The following AUTS2 variants were observed in gnomAD, a reference collection of about 807,000 sequenced individuals.
AUTS2 encodes the protein activator of transcription and developmental regulator AUTS2, also known as autism susceptibility gene 2 protein.
AUTS2 carries 17 observed loss-of-function variants against 112.4 expected under a neutral mutation model. That is an observed-to-expected ratio of 0.15 (90% CI 0.10 to 0.23). AUTS2 has a LOEUF of 0.23. Ranked by LOEUF, AUTS2 falls within the 10% of genes least tolerant of loss-of-function variation. The pLI is 1.00. For missense variants in AUTS2, 1,510 were observed against 1,701.6 expected (o/e 0.89, Z 1.98); for synonymous variants, 751 against 702.7 (o/e 1.07, Z -1.09).
At chr7:70,516,132 G>A (rs528329520) in intron 5 of AUTS2, among the ~76,000 whole-genome samples, 1 of 152,260 alleles carries the variant, frequency 6.6e-6, no homozygotes, top group East Asian at 1.9e-4. Context: ...ACTGATTCTT[G>A]TAGCAGAACA....
At chr7:70,387,781 T>C (rs75501049) in intron 4 of AUTS2, among the ~76,000 whole-genome samples, 11,359 of 152,272 alleles carry the variant, frequency 0.075, 608 homozygotes, top group Non-Finnish European at 0.12. Context: ...TACTTCTCAA[T>C]GTCATTGCCC....
At chr7:70,365,719 G>C (rs1259275786) in intron 4 of AUTS2, among the ~76,000 whole-genome samples, 1 of 152,220 alleles carries the variant, frequency 6.6e-6, no homozygotes, top group Non-Finnish European at 1.5e-5. Flanking sequence ...CTTCAGATAA[G>C]ATCAATTTTA....
intron 6 of AUTS2, among the ~76,000 whole-genome samples, chr7:70,721,144 C>T (rs1786634784): frequency 6.6e-6 from 1 of 151,968 alleles, no homozygotes. Flanking sequence ...TTCTGCTCTA[C>T]TGGGCTCCTG....
At chr7:70,589,365 C>A (rs1413914564) in intron 5 of AUTS2, among the ~76,000 whole-genome samples, 2 of 151,514 alleles carry the variant, frequency 1.3e-5, no homozygotes, top group Admixed American at 1.3e-4. Context: ...AACAGGGAAT[C>A]AAAAATGACC....
intron 5 of AUTS2, among the ~76,000 whole-genome samples, chr7:70,520,348 G>T (rs1462689789): frequency 6.6e-6 from 1 of 152,184 alleles, no homozygotes; most frequent in Admixed American, 6.5e-5. Context: ...TCTGGCACCT[G>T]TGCCTGGTCT....
At chr7:70,737,765 G>T (rs1321237798) in intron 6 of AUTS2, among the ~76,000 whole-genome samples, 1 of 152,168 alleles carries the variant, frequency 6.6e-6, no homozygotes, top group Non-Finnish European at 1.5e-5. Context: ...GAGGAGCCAG[G>T]GGGGTGAAGA....
At chr7:69,673,723 A>C (rs552687127) in intron 1 of AUTS2, among the ~76,000 whole-genome samples, 2 of 152,354 alleles carry the variant, frequency 1.3e-5, no homozygotes, top group Non-Finnish European at 2.9e-5. Flanking sequence ...TAACTTTGCC[A>C]ACTAATAGTA....
intron 2 of AUTS2, among the ~76,000 whole-genome samples, chr7:70,105,539 T>G (rs924163809): frequency 6.6e-6 from 1 of 152,184 alleles, no homozygotes; most frequent in Non-Finnish European, 1.5e-5. Context: ...ATTACAGGCA[T>G]AAGCACATAC....
At chr7:69,775,444 T>A (rs1450618177) in intron 1 of AUTS2, among the ~76,000 whole-genome samples, 1 of 152,160 alleles carries the variant, frequency 6.6e-6, no homozygotes, top group African/African-American at 2.4e-5. Flanking sequence ...AGGCTGCATT[T>A]TTAAATCTTG....
chr7:69,844,964 C>T (rs1051405779), intron 1 of AUTS2, among the ~76,000 whole-genome samples: 3 of 152,086 alleles, frequency 2.0e-5, no homozygotes, highest in Admixed American at 2.0e-4. Context: ...TGGAGATGGA[C>T]ATAAATAAGA....
Position 70,121,755 on chromosome 7 carries a change from G to A in AUTS2, c.624+3522G>A, listed in dbSNP as rs558817709. ...GGGAATGTAAAATGACGCAGCCACT[G>A]TAGAAAACAGCTTGGCAGTCCTCAA... On this transcript the variant is annotated intron_variant, in intron 3 of 18. Transcript: ENST00000342771. Among the ~76,000 whole-genome samples, 13 of 152,260 alleles carry A rather than the reference G, an allele frequency of 8.5e-5. No individual in the cohort carries two copies. In the South Asian group the frequency reaches 2.3e-3, roughly 27 times the overall value.
At chr7:70,121,720 C>T (rs1344397510) in intron 3 of AUTS2, among the ~76,000 whole-genome samples, 1 of 152,128 alleles carries the variant, frequency 6.6e-6, no homozygotes, top group Non-Finnish European at 1.5e-5. Context: ...AATATTCATA[C>T]ATTACTGGTG....
At chr7:70,737,695 A>G (rs1222747850) in intron 6 of AUTS2, among the ~76,000 whole-genome samples, 1 of 152,126 alleles carries the variant, frequency 6.6e-6, no homozygotes, top group African/African-American at 2.4e-5. Context: ...CTCTGTCATT[A>G]CTTTCTTTAT....
chr7:69,930,577 T>G (rs993712135), intron 2 of AUTS2, among the ~76,000 whole-genome samples: 1 of 152,212 alleles, frequency 6.6e-6, no homozygotes, highest in South Asian at 2.1e-4. Flanking sequence ...TTTCTGAGTA[T>G]TTTTTGTTGT....
At chr7:70,287,931 A>G (rs1306507860) in intron 4 of AUTS2, among the ~76,000 whole-genome samples, 3 of 152,058 alleles carry the variant, frequency 2.0e-5, no homozygotes, top group African/African-American at 7.2e-5. Context: ...AGATATTCCC[A>G]GTGGTGTTTT....
intron 2 of AUTS2, among the ~76,000 whole-genome samples, chr7:69,981,702 A>G (rs534155973): frequency 1.1e-3 from 162 of 152,324 alleles, no homozygotes; most frequent in African/African-American, 3.4e-3. Flanking sequence ...TAGATTTGTA[A>G]ATAAATTGTA....
At chr7:70,781,856 C>G (rs1278236397) in intron 15 of AUTS2, 100 bp downstream of exon 15, 1 of 1,471,624 alleles carries the variant, frequency 6.8e-7, no homozygotes, top group Non-Finnish European at 9.1e-7. Flanking sequence ...CAGTCACCAC[C>G]TACAAAAATA....
chr7:69,770,097 A>G (rs527967025), intron 1 of AUTS2, among the ~76,000 whole-genome samples: 3 of 152,294 alleles, frequency 2.0e-5, no homozygotes, highest in South Asian at 2.1e-4. Context: ...GTAGGCCCTC[A>G]TTGGGGCTAC....
At chr7:70,724,442 A>AATTTTTTTTTT (rs1563153741) in intron 6 of AUTS2, among the ~76,000 whole-genome samples, 2 of 95,940 alleles carry the variant, frequency 2.1e-5, no homozygotes, top group African/African-American at 3.4e-5. Context: ...TTTCATCCTG[A>AATTTTTTTTTT]CTTTTTTTTT....
Sources: gnomAD v4.1 joint callset for allele counts (sites outside exome capture counted in the v4.1 genomes callset) on GRCh38, gnomAD v4.1.1 for gene constraint, MANE v1.5 for transcripts, NCBI Gene and HGNC (gene_info 2026-07-23, HGNC 2026-07-21) for gene names.